The following ZNF516 variants were observed in gnomAD, a reference collection of about 807,000 sequenced individuals.
The protein encoded by ZNF516 is zinc finger protein 516.
In ZNF516, 19 loss-of-function variants were observed where a neutral mutation model predicts 79.7. The ratio of observed to expected loss-of-function variants is 0.24; its 90% CI spans 0.17 to 0.35. The LOEUF (loss-of-function observed/expected upper bound fraction) is 0.35, where lower values mean the gene tolerates loss of function less well. Among genes scored for constraint, ZNF516 ranks in the 10% least tolerant of loss-of-function variants. The pLI is 1.00. For missense variants in ZNF516, 1,678 were observed against 1,679.5 expected (o/e 1.00, Z 0.02); for synonymous variants, 877 against 739.5 (o/e 1.19, Z -3.02).
chr18:76,457,572 C>G (rs926320450), intron 2 of ZNF516, among the ~76,000 whole-genome samples: 1 of 152,228 alleles, frequency 6.6e-6, no homozygotes, highest in Admixed American at 6.5e-5. Flanking sequence ...TACAAATTAG[C>G]CGAGCGTGGC....
At chr18:76,494,119 T>A (rs982801387) in intron 1 of ZNF516, among the ~76,000 whole-genome samples, 8 of 152,044 alleles carry the variant, frequency 5.3e-5, no homozygotes, top group Non-Finnish European at 1.2e-4. Flanking sequence ...ATTGCGGGGG[T>A]CCACTGGCTT....
Position 76,451,393 on chromosome 18 carries a change from G to A in ZNF516, c.-157-8182C>T, listed in dbSNP as rs1912404768. Among the ~76,000 whole-genome samples, 1 of 152,214 alleles carries A rather than the reference G, an allele frequency of 6.6e-6. No individual in the cohort carries two copies. The highest frequency in any genetic ancestry group is 2.4e-5 in the African/African-American group (1 of 41,454). On this transcript the variant is annotated intron_variant, in intron 2 of 6. Transcript: ENST00000443185. This position sits in a 1 kb window ranked among gnomAD's most constrained non-coding sequence, Gnocchi z 6.0. ...GCCCGGTCCTGCGCACATCTCCGCTGACAGGGCATTCCTCAGGAGGGGCTG... is the reference window on the plus strand; with the variant it reads ...GCCCGGTCCTGCGCACATCTCCGCTAACAGGGCATTCCTCAGGAGGGGCTG...
chr18:76,471,693 G>A (rs1913852021), intron 1 of ZNF516, among the ~76,000 whole-genome samples: 1 of 152,108 alleles, frequency 6.6e-6, no homozygotes, highest in African/African-American at 2.4e-5. Flanking sequence ...CGCTGAACGG[G>A]AGATCCCAGA....
At chr18:76,391,358 C>T (rs1216654802) in intron 3 of ZNF516, among the ~76,000 whole-genome samples, 1 of 152,060 alleles carries the variant, frequency 6.6e-6, no homozygotes, top group Non-Finnish European at 1.5e-5. Flanking sequence ...GATCCCAATC[C>T]TAACCCCCTC....
intron 3 of ZNF516, among the ~76,000 whole-genome samples, chr18:76,409,931 T>G (rs1031580832): frequency 6.6e-6 from 1 of 152,160 alleles, no homozygotes; most frequent in African/African-American, 2.4e-5. Flanking sequence ...GGGGGCAGTT[T>G]CCCCCACACT....
chr18:76,484,251 T>C (rs1599161952), intron 1 of ZNF516, among the ~76,000 whole-genome samples: 1 of 152,350 alleles, frequency 6.6e-6, no homozygotes, highest in East Asian at 1.9e-4. Context: ...AGTTATTAAA[T>C]CTTTCTGCAT....
intron 3 of ZNF516, among the ~76,000 whole-genome samples, chr18:76,422,799 AG>A (rs1483201732): frequency 6.6e-6 from 1 of 152,184 alleles, no homozygotes; most frequent in Non-Finnish European, 1.5e-5. Context: ...TGGGCAGAAC[AG>A]GTTAGAAAGA....
chr18:76,371,000 G>C (rs566846238), intron 5 of ZNF516, among the ~76,000 whole-genome samples: 2 of 152,136 alleles, frequency 1.3e-5, no homozygotes, highest in African/African-American at 2.4e-5. Context: ...TTTCCAGCCC[G>C]ATCGGGTGCA....
intron 3 of ZNF516, among the ~76,000 whole-genome samples, chr18:76,402,628 G>A (rs144287238): frequency 5.9e-5 from 9 of 152,302 alleles, no homozygotes; most frequent in Admixed American, 4.6e-4. Flanking sequence ...ATTGCAAAAC[G>A]GGAAGTGATC....
At chr18:76,386,181 G>C (rs1002085164) in intron 3 of ZNF516, 2 of 152,250 alleles carry the variant, frequency 1.3e-5, no homozygotes, top group Admixed American at 1.3e-4. Context: ...CTAAGGGAAG[G>C]TTGGGGGCCC....
At chr18:76,485,740 T>C (rs993632297) in intron 1 of ZNF516, among the ~76,000 whole-genome samples, 34 of 152,196 alleles carry the variant, frequency 2.2e-4, no homozygotes, top group Middle Eastern at 3.4e-3. Context: ...CAAACCAGCA[T>C]GTGTAAACAA....
At chr18:76,484,662 C>T (rs3991132) in intron 1 of ZNF516, among the ~76,000 whole-genome samples, 4,720 of 152,254 alleles carry the variant, frequency 0.031, 91 homozygotes, top group African/African-American at 0.046. Context: ...TCTCGACGGC[C>T]CCCTTAATGT....
At chr18:76,397,027 T>C (rs963900667) in intron 3 of ZNF516, among the ~76,000 whole-genome samples, 1 of 152,190 alleles carries the variant, frequency 6.6e-6, no homozygotes, top group Non-Finnish European at 1.5e-5. Flanking sequence ...ACAGACTCAG[T>C]GCTTCAGAGG....
chr18:76,494,478 C>T (rs1915400147), intron 1 of ZNF516, among the ~76,000 whole-genome samples: 3 of 140,386 alleles, frequency 2.1e-5, no homozygotes, highest in Admixed American at 2.1e-4. Flanking sequence ...GCCCGAACTT[C>T]CCTTCCAGGA....
At chr18:76,405,424 G>C (rs1399222275) in intron 3 of ZNF516, among the ~76,000 whole-genome samples, 1 of 152,158 alleles carries the variant, frequency 6.6e-6, no homozygotes, top group African/African-American at 2.4e-5. Flanking sequence ...GGCTCAGTGA[G>C]GCACCGACAG....
intron 3 of ZNF516, among the ~76,000 whole-genome samples, chr18:76,421,820 G>A (rs1423749959): frequency 6.6e-6 from 1 of 152,200 alleles, no homozygotes; most frequent in South Asian, 2.1e-4. Flanking sequence ...TATTTTCAAA[G>A]CAAAGACAAG....
At chr18:76,382,188 T>C (rs988250228) in intron 3 of ZNF516, among the ~76,000 whole-genome samples, 2 of 151,958 alleles carry the variant, frequency 1.3e-5, no homozygotes, top group African/African-American at 4.8e-5. Flanking sequence ...AATAAATCAA[T>C]GAAGTCAGGT....
At chr18:76,366,304 A>G (rs2074610654) in intron 6 of ZNF516, among the ~76,000 whole-genome samples, 1 of 152,230 alleles carries the variant, frequency 6.6e-6, no homozygotes, top group Admixed American at 6.5e-5. Context: ...AGAATATTCA[A>G]ATATTAATAT....
intron 1 of ZNF516, among the ~76,000 whole-genome samples, chr18:76,468,071 A>C (rs1430244193): frequency 1.3e-5 from 2 of 152,162 alleles, no homozygotes; most frequent in African/African-American, 2.4e-5. Context: ...CTGTGAACTG[A>C]CCACTTCAGG....
Sources: allele counts gnomAD v4.1 joint callset (sites outside exome capture counted in the v4.1 genomes callset), GRCh38; gene constraint gnomAD v4.1.1; non-coding constraint Gnocchi (gnomAD v3.1); transcripts MANE v1.5; gene names NCBI Gene and HGNC (gene_info 2026-07-23, HGNC 2026-07-21).